Variants in INPP5D observed in about 807,000 individuals in gnomAD.
INPP5D encodes inositol polyphosphate-5-phosphatase D, also known as phosphatidylinositol 3,4,5-trisphosphate 5-phosphatase 1.
INPP5D carries 33 observed loss-of-function variants against 122.9 expected under a neutral mutation model. The observed-to-expected ratio is 0.27, with a 90% confidence interval of 0.20 to 0.36. The LOEUF (loss-of-function observed/expected upper bound fraction) is 0.36, where lower values mean the gene tolerates loss of function less well. Among genes scored for constraint, INPP5D ranks in the 10% least tolerant of loss-of-function variants. The probability of loss-of-function intolerance (pLI) is 1.00; values close to 1 mark genes in which losing one functional copy is unlikely to be tolerated. For missense variants in INPP5D, 1,053 were observed against 1,412.7 expected (o/e 0.75, Z 4.08); for synonymous variants, 584 against 576.2 (o/e 1.01, Z -0.19).
At chr2:233,185,178 G>T (rs1694881071) in intron 20 of INPP5D, among the ~76,000 whole-genome samples, 1 of 152,018 alleles carries the variant, frequency 6.6e-6, no homozygotes, top group Non-Finnish European at 1.5e-5. Context: ...GGAAAAGGGG[G>T]CATCACCTCC....
Position 233,066,298 on chromosome 2 carries a change from T to A in INPP5D, c.134+5686T>A, listed in dbSNP as rs534798641. Among the ~76,000 whole-genome samples the A allele has an allele frequency of 3.3e-5, 5 of 152,364 alleles. No homozygotes were observed. In the East Asian group the frequency reaches 9.6e-4, roughly 29 times the overall value. Reference sequence around the variant, plus strand: ...TCAATTGGTGCCATCTCCCTGCACATGAACCCTTGCGTCATGATGACATGT... The same window carrying A: ...TCAATTGGTGCCATCTCCCTGCACAAGAACCCTTGCGTCATGATGACATGT... On this transcript the variant is annotated intron_variant, in intron 1 of 26. Coordinates refer to ENST00000445964, the MANE Select transcript of INPP5D (RefSeq NM_001017915.3).
At chr2:233,092,228 C>G (rs1180029813) in intron 2 of INPP5D, among the ~76,000 whole-genome samples, 1 of 152,240 alleles carries the variant, frequency 6.6e-6, no homozygotes, top group Non-Finnish European at 1.5e-5. Flanking sequence ...GCTCTGCCCC[C>G]TCAGGCAGCT....
At chr2:233,130,695 TGAGAGAAACAGCTCATGAGAGC>T (rs1380822411) in intron 5 of INPP5D, 47 bp downstream of exon 5, 1 of 1,606,350 alleles carries the variant, frequency 6.2e-7, no homozygotes, top group Non-Finnish European at 8.5e-7. Context: ...GGCCACCAGG[TGAGAGAAACAGCTCATGAGAGC>T]GACCTCTGCC....
chr2:233,117,499 A>C (rs188939874), intron 2 of INPP5D, among the ~76,000 whole-genome samples: 3 of 152,310 alleles, frequency 2.0e-5, no homozygotes, highest in African/African-American at 7.2e-5. Context: ...CCCTGCTCGC[A>C]TCCTGTAAGG....
chr2:233,195,077 T>C (rs1478363484), intron 23 of INPP5D, among the ~76,000 whole-genome samples: 1 of 152,224 alleles, frequency 6.6e-6, no homozygotes, highest in Non-Finnish European at 1.5e-5. Context: ...GTTACAGGCA[T>C]GAGCCACCAC....
At chr2:233,071,410 T>C (rs940670869) in intron 1 of INPP5D, among the ~76,000 whole-genome samples, 64 of 152,224 alleles carry the variant, frequency 4.2e-4, no homozygotes, top group African/African-American at 1.4e-3. Context: ...ATATTTTAAG[T>C]CATATATCTT....
At chr2:233,101,501 T>G (rs1692309367) in intron 2 of INPP5D, among the ~76,000 whole-genome samples, 1 of 149,780 alleles carries the variant, frequency 6.7e-6, no homozygotes, top group Non-Finnish European at 1.5e-5. Flanking sequence ...CAAACTCTTA[T>G]TTATAAGTTA....
chr2:233,137,969 A>ATAATGAGATTATATTGTATTAATAATG (rs1559313628), intron 5 of INPP5D, among the ~76,000 whole-genome samples: 1 of 45,466 alleles, frequency 2.2e-5, no homozygotes, highest in South Asian at 7.0e-4. Flanking sequence ...ATATTATAAT[A>ATAATGAGATTATATTGTATTAATAATG]TAATGAGATT....
chr2:233,094,010 A>T (rs1692060031), intron 2 of INPP5D, among the ~76,000 whole-genome samples: 1 of 152,050 alleles, frequency 6.6e-6, no homozygotes, highest in Non-Finnish European at 1.5e-5. Context: ...TGCCTGGTAG[A>T]GCCCAAGAGA....
rs866736871 is a variant in INPP5D, at chr2:233,103,631, C to T, written c.199-18476C>T. On this transcript the variant is annotated intron_variant, in intron 2 of 26. Coordinates refer to ENST00000445964, the MANE Select transcript of INPP5D (RefSeq NM_001017915.3). ...CACTTCCAGGGCAAGTCACTTGGCC[C>T]TTCTGTATCCTGGCTGCCTGCCGAG... 4.3e-4 allele frequency among the ~76,000 whole-genome samples: 66 copies of T among 152,056 alleles called. 1 individual carries two copies. Among genetic ancestry groups the T allele is most frequent in the Admixed American group, 9.2e-4 (14 of 15,260 alleles).
intron 11 of INPP5D, among the ~76,000 whole-genome samples, 196 bp downstream of exon 11, chr2:233,162,022 G>C (rs1694211855): frequency 2.0e-5 from 3 of 152,176 alleles, no homozygotes; most frequent in Admixed American, 1.3e-4. Context: ...TGATGGGTAA[G>C]AAAAACGAGC....
chr2:233,081,210 C>G (rs1481827241), intron 2 of INPP5D, among the ~76,000 whole-genome samples: 2 of 152,156 alleles, frequency 1.3e-5, no homozygotes, highest in Non-Finnish European at 2.9e-5. Context: ...GGCTCTTCAC[C>G]ATGTGTGGGA....
intron 2 of INPP5D, among the ~76,000 whole-genome samples, chr2:233,121,450 T>A (rs1041928086): frequency 6.6e-6 from 1 of 151,858 alleles, no homozygotes; most frequent in Non-Finnish European, 1.5e-5. Context: ...ATTTCTTATT[T>A]AAAAAAATCC....
Position 233,204,394 on chromosome 2 carries a change from C to G in INPP5D, c.3244C>G (p.Arg1082Gly), listed in dbSNP as rs1474478891. The G allele has an allele frequency of 6.2e-7, 1 of 1,610,206 alleles. No individual in the cohort carries two copies. Among genetic ancestry groups the G allele is most frequent in the Non-Finnish European group, 8.5e-7 (1 of 1,178,610 alleles). The change falls in exon 26 of 27, where the codon CGG becomes GGG. Residue 1082 changes from arginine to glycine, a missense_variant. This residue lies in a region of INPP5D where 417 missense variants were observed against 425.8 expected (regional missense o/e 0.98). Coordinates refer to ENST00000445964, the MANE Select transcript of INPP5D (RefSeq NM_001017915.3). The stretch of plus-strand genomic sequence containing the variant: ...GCCCGGCAAGCAGGTGCCCGCGCCC[C>G]GGCTGCGCTCCTTCACGTGCTCATC... Reference protein sequence around the residue: ...EGPGKQVPAPRLRSFTCSSSA... With the variant: ...EGPGKQVPAPGLRSFTCSSSA...
At chr2:233,172,773 T>TTCAGTTAGATGGTGTGGCCTATTGATCC (rs1361256993) in intron 17 of INPP5D, among the ~76,000 whole-genome samples, 1 of 152,232 alleles carries the variant, frequency 6.6e-6, no homozygotes, top group Non-Finnish European at 1.5e-5. Context: ...CAAAGCCCAC[T>TTCAGTTAGATGGTGTGGCCTATTGATCC]TCAGTTAGAT....
At position 233,170,428 on chromosome 2, in the gene INPP5D, C is replaced by A. The variant is rs1249231385; in HGVS notation, c.1792-68C>A. 2 of 1,601,408 alleles carry A rather than the reference C, an allele frequency of 1.2e-6. No homozygotes were observed. The highest frequency in any genetic ancestry group is 1.7e-6 in the Non-Finnish European group (2 of 1,173,330). On this transcript the variant is annotated intron_variant, in intron 15 of 26. Coordinates refer to ENST00000445964, the MANE Select transcript of INPP5D (RefSeq NM_001017915.3). The surrounding 1 kb of genome is among the most constrained non-coding windows in gnomAD (Gnocchi z 4.5). Reference sequence around the variant, plus strand: ...GGGTCATCCAGCTGCCCGCCCCCAGCCCCGAAGCTTGTCAGGCCTGGATCA... The same window carrying A: ...GGGTCATCCAGCTGCCCGCCCCCAGACCCGAAGCTTGTCAGGCCTGGATCA...
intron 9 of INPP5D, among the ~76,000 whole-genome samples, chr2:233,150,784 T>C (rs1429310003): frequency 2.0e-5 from 3 of 152,194 alleles, no homozygotes; most frequent in Non-Finnish European, 4.4e-5. Context: ...AGAGGGAGGT[T>C]AGTCCCGAGG....
chr2:233,126,032 T>A, intron 4 of INPP5D, 113 bp downstream of exon 4: 1 of 1,032,990 alleles, frequency 9.7e-7, no homozygotes, highest in Non-Finnish European at 1.4e-6. Flanking sequence ...CAGAGGGAGA[T>A]GGGGAGGTCT....
At chr2:233,071,757 CTT>C (rs1398731039) in intron 1 of INPP5D, among the ~76,000 whole-genome samples, 2 of 152,298 alleles carry the variant, frequency 1.3e-5, no homozygotes, top group Non-Finnish European at 2.9e-5. Context: ...ATCTTATACT[CTT>C]ATTACTATTG....
Sources: gnomAD v4.1 joint callset for allele counts (sites outside exome capture counted in the v4.1 genomes callset) on GRCh38, gnomAD v4.1.1 for gene constraint, gnomAD v4.1.1 regional missense constraint, Gnocchi (gnomAD v3.1) non-coding constraint, MANE v1.5 for transcripts, NCBI Gene and HGNC (gene_info 2026-07-23, HGNC 2026-07-21) for gene names.